Variants in SLC14A2 observed in about 807,000 individuals in gnomAD.
SLC14A2 encodes the protein solute carrier family 14 member 2.
In SLC14A2, 91 loss-of-function variants were observed where a neutral mutation model predicts 104.6. The observed-to-expected ratio is 0.87, with a 90% CI of 0.73 to 1.04. The LOEUF (loss-of-function observed/expected upper bound fraction) is 1.04, where lower values mean the gene tolerates loss of function less well. Among genes scored for constraint, SLC14A2 ranks in the 50% least tolerant of loss-of-function variants. SLC14A2 has a pLI of 0.00. For synonymous variants in SLC14A2, 476 were observed against 466.4 expected (o/e 1.02, Z -0.27); for missense variants, 1,189 against 1,156.0 (o/e 1.03, Z -0.41).
chr18:45,249,674 G>A (rs1268970056), intron 1 of SLC14A2, among the ~76,000 whole-genome samples: 1 of 152,146 alleles, frequency 6.6e-6, no homozygotes, highest in Non-Finnish European at 1.5e-5. Flanking sequence ...ATTTGGCCAG[G>A]CATGGTGGCT....
At chr18:45,652,196 T>G (rs993500158) in intron 10 of SLC14A2, among the ~76,000 whole-genome samples, 1 of 152,256 alleles carries the variant, frequency 6.6e-6, no homozygotes, top group African/African-American at 2.4e-5. Context: ...TGATTTCTAC[T>G]CAATAAACCA....
intron 1 of SLC14A2, among the ~76,000 whole-genome samples, chr18:45,329,437 A>C (rs1183401389): frequency 3.3e-5 from 5 of 152,196 alleles, no homozygotes; most frequent in Non-Finnish European, 7.3e-5. Context: ...TTTGCAGACT[A>C]CAACACCCTC....
At chr18:45,217,888 GAT>G (rs1186871283) in intron 1 of SLC14A2, among the ~76,000 whole-genome samples, 1 of 152,130 alleles carries the variant, frequency 6.6e-6, no homozygotes, top group Non-Finnish European at 1.5e-5. Context: ...TTTTCAAAAA[GAT>G]ATCCAGGGAG....
chr18:45,599,322 T>C (rs114301350), intron 2 of SLC14A2, among the ~76,000 whole-genome samples: 138 of 152,338 alleles, frequency 9.1e-4, no homozygotes, highest in African/African-American at 3.1e-3. Context: ...GAATTCATTA[T>C]CCTGCTGGCA....
At chr18:45,352,803 G>T (rs548670794) in intron 1 of SLC14A2, among the ~76,000 whole-genome samples, 5 of 152,216 alleles carry the variant, frequency 3.3e-5, no homozygotes, top group African/African-American at 1.2e-4. Context: ...GGTAAAAGGG[G>T]GTGGCAGTGA....
At chr18:45,380,775 G>A (rs753243302) in intron 1 of SLC14A2, among the ~76,000 whole-genome samples, 7 of 152,174 alleles carry the variant, frequency 4.6e-5, no homozygotes, top group South Asian at 2.1e-4. Flanking sequence ...GCCTAGCTGC[G>A]AGTGCCAGAC....
chr18:45,521,273 A>G (rs1251420489), intron 2 of SLC14A2, among the ~76,000 whole-genome samples: 2 of 152,258 alleles, frequency 1.3e-5, no homozygotes, highest in Admixed American at 6.5e-5. Context: ...TGAGTCCGAC[A>G]GGGTTAAATG....
intron 1 of SLC14A2, among the ~76,000 whole-genome samples, chr18:45,251,515 A>AGC (rs1277497561): frequency 3.3e-5 from 5 of 152,224 alleles, no homozygotes; most frequent in Non-Finnish European, 7.3e-5. Context: ...ACAAAAAAAC[A>AGC]CATACTGAAT....
intron 1 of SLC14A2, among the ~76,000 whole-genome samples, chr18:45,401,750 A>C (rs1465179955): frequency 2.6e-5 from 4 of 152,168 alleles, no homozygotes; most frequent in African/African-American, 9.7e-5. Context: ...TGAGAGGAGG[A>C]GGGTCAACTA....
rs1013288359 is a variant in SLC14A2 at position 45,236,567 on chromosome 18, A to G, written c.-125+23376A>G. Among the ~76,000 whole-genome samples the G allele has an allele frequency of 1.3e-4, 17 of 127,534 alleles. 3 individuals carry two copies. Among genetic ancestry groups the G allele is most frequent in the African/African-American group, 3.3e-4 (10 of 30,444 alleles). The allele number at this position is 127,534 out of a possible 152,430, so 83.7% of individuals were successfully genotyped here. A position where few individuals can be genotyped will look rare whatever the true frequency, so the allele number is the denominator to read the frequency against. ...TGTATGTGTGTATATATGTGTATAT[A>G]TGTATATATACATATATATATGGGA... On this transcript the variant is annotated intron_variant, in intron 1 of 20. Transcript: ENST00000586448.
Position 45,334,561 on chromosome 18 carries a change from A to T in SLC14A2, c.-125+121370A>T, listed in dbSNP as rs147264481. Among the ~76,000 whole-genome samples, 858 of 152,344 alleles carry T rather than the reference A, an allele frequency of 5.6e-3. 6 individuals carry two copies. The highest frequency in any genetic ancestry group is 0.019 in the African/African-American group (805 of 41,566). ...TAAATGTATTTACTTCTGTGGGTCC[A>T]TCTTGGTCTGTAAAATCACAGAACT... On this transcript the variant is annotated intron_variant, in intron 1 of 20. Coordinates refer to the SLC14A2 transcript ENST00000586448.
At chr18:45,660,280 G>A (rs1383831044) in intron 10 of SLC14A2, among the ~76,000 whole-genome samples, 2 of 152,122 alleles carry the variant, frequency 1.3e-5, no homozygotes, top group Non-Finnish European at 2.9e-5. Flanking sequence ...TCCTACAAAG[G>A]TGACAAGTCA....
chr18:45,616,072 T>C (rs2045066023), intron 1 of SLC14A2, among the ~76,000 whole-genome samples: 1 of 152,120 alleles, frequency 6.6e-6, no homozygotes, highest in Admixed American at 6.5e-5. Flanking sequence ...CCCAGAACAG[T>C]GGCACACACT....
intron 2 of SLC14A2, among the ~76,000 whole-genome samples, chr18:45,526,632 T>C (rs961395992): frequency 1.3e-5 from 2 of 152,016 alleles, no homozygotes; most frequent in Non-Finnish European, 2.9e-5. Context: ...CAGTGAGGGA[T>C]CATAGGGTGT....
intron 2 of SLC14A2, among the ~76,000 whole-genome samples, chr18:45,603,537 G>A (rs1414470821): frequency 6.6e-6 from 1 of 152,174 alleles, no homozygotes; most frequent in Non-Finnish European, 1.5e-5. Context: ...GGTTGATGTA[G>A]TCTCTAGGGT....
chr18:45,463,798 C>T lies in SLC14A2; in HGVS notation c.-124-19435C>T, dbSNP rs530507344. On this transcript the variant is annotated intron_variant, in intron 1 of 20. Coordinates refer to the SLC14A2 transcript ENST00000586448. The stretch of plus-strand genomic sequence containing the variant: ...GGGCTAACCTGCCATGTAATAAGCC[C>T]GTGACACATGGCAGACCCTTGGCAA... Among the ~76,000 whole-genome samples, 30 of 152,240 alleles carry T rather than the reference C, an allele frequency of 2.0e-4. No homozygotes were observed. The South Asian group carries it at 5.8e-3, about 29-fold the overall frequency.
chr18:45,605,049 GATC>G (rs2044846273), intron 2 of SLC14A2, among the ~76,000 whole-genome samples: 1 of 152,130 alleles, frequency 6.6e-6, no homozygotes, highest in Admixed American at 6.5e-5. Context: ...TCCCCGCAGT[GATC>G]ATCATCATAA....
At chr18:45,285,673 CCT>C (rs60157322) in intron 1 of SLC14A2, among the ~76,000 whole-genome samples, 27 of 145,112 alleles carry the variant, frequency 1.9e-4, no homozygotes, top group East Asian at 1.2e-3. Context: ...CCCCCCCCCC[CCT>C]CGGCCTCCCA....
At chr18:45,675,273 A>C (rs776917356) in intron 18 of SLC14A2, among the ~76,000 whole-genome samples, 84 of 152,218 alleles carry the variant, frequency 5.5e-4, no homozygotes, top group Non-Finnish European at 1.1e-3. Flanking sequence ...GTTTTCACCA[A>C]AATACTTTTC....
Sources: allele counts gnomAD v4.1 joint callset (sites outside exome capture counted in the v4.1 genomes callset), GRCh38; gene constraint gnomAD v4.1.1; transcripts MANE v1.5; gene names NCBI Gene and HGNC (gene_info 2026-07-23, HGNC 2026-07-21).